Variants in MNAT1 observed in about 807,000 individuals in gnomAD.
MNAT1 encodes the protein MNAT1 component of CDK activating kinase.
Under a neutral mutation model 42.0 loss-of-function variants are expected in MNAT1, and 43 were observed. That is an observed-to-expected ratio of 1.02 (90% CI 0.80 to 1.32). The LOEUF (loss-of-function observed/expected upper bound fraction) is 1.32. Among genes scored for constraint, MNAT1 ranks in the 40% most tolerant of loss-of-function variants. MNAT1 has a pLI of 0.00. For synonymous variants in MNAT1, 118 were observed against 120.0 expected (o/e 0.98, Z 0.11); for missense variants, 306 against 350.4 (o/e 0.87, Z 1.01).
intron 1 of MNAT1, among the ~76,000 whole-genome samples, chr14:60,766,155 T>C (rs1031436421): frequency 6.6e-6 from 1 of 151,562 alleles, no homozygotes; most frequent in Non-Finnish European, 1.5e-5. Flanking sequence ...TGAGACCGGC[T>C]TGGCCAAGGT....
intron 1 of MNAT1, among the ~76,000 whole-genome samples, chr14:60,737,639 G>A (rs1461602993): frequency 1.3e-5 from 2 of 151,988 alleles, no homozygotes; most frequent in Non-Finnish European, 2.9e-5. Flanking sequence ...TATATCATAA[G>A]ATATAACAGG....
rs951081645 is a variant in MNAT1 at position 60,819,756 on chromosome 14, A to G, written c.687+909A>G. Among the ~76,000 whole-genome samples, 10 of 152,152 alleles carry G rather than the reference A, an allele frequency of 6.6e-5. No individual in the cohort carries two copies. The South Asian group carries it at 1.7e-3, about 25-fold the overall frequency. ...CAAACAGACCTGAGTTCAACTCTCA[A>G]CAACCCATTTATCCAGCTGCTTGAC... is the stretch of plus-strand genomic sequence containing the variant. On this transcript the variant is annotated intron_variant, in intron 6 of 7. Transcript: ENST00000261245.
chr14:60,791,807 G>T (rs1338634601), intron 1 of MNAT1, among the ~76,000 whole-genome samples: 1 of 152,112 alleles, frequency 6.6e-6, no homozygotes, highest in Non-Finnish European at 1.5e-5. Context: ...TTAAGAAAAT[G>T]TGAAACCTTT....
At chr14:60,961,598 A>C (rs1050553938) in intron 7 of MNAT1, among the ~76,000 whole-genome samples, 4 of 152,134 alleles carry the variant, frequency 2.6e-5, no homozygotes, top group Non-Finnish European at 4.4e-5. Flanking sequence ...CACATTCATC[A>C]AGCCCTACTT....
intron 1 of MNAT1, among the ~76,000 whole-genome samples, chr14:60,769,398 T>G (rs1003909787): frequency 6.6e-6 from 1 of 152,072 alleles, no homozygotes; most frequent in Non-Finnish European, 1.5e-5. Context: ...CAGCCTCCCA[T>G]GTAGCTGGGA....
chr14:60,827,020 G>T (rs1451056431), intron 6 of MNAT1, among the ~76,000 whole-genome samples: 1 of 152,040 alleles, frequency 6.6e-6, no homozygotes, highest in African/African-American at 2.4e-5. Flanking sequence ...AGGATCTGGT[G>T]CTTCTTCATT....
intron 7 of MNAT1, among the ~76,000 whole-genome samples, chr14:60,940,518 T>C (rs937690381): frequency 6.6e-6 from 1 of 152,172 alleles, no homozygotes; most frequent in Non-Finnish European, 1.5e-5. Flanking sequence ...CCCAGGTTCA[T>C]GCCATTCTTC....
chr14:60,806,768 T>A (rs948796882), intron 3 of MNAT1, among the ~76,000 whole-genome samples: 18 of 152,152 alleles, frequency 1.2e-4, no homozygotes, highest in Middle Eastern at 3.4e-3. Flanking sequence ...ATGGTGAGAG[T>A]TGTGAAAGAT....
At chr14:60,908,606 A>G (rs2035270867) in intron 7 of MNAT1, among the ~76,000 whole-genome samples, 1 of 152,062 alleles carries the variant, frequency 6.6e-6, no homozygotes, top group African/African-American at 2.4e-5. Flanking sequence ...GTTTGCTGAG[A>G]ATGATGGTTT....
intron 5 of MNAT1, among the ~76,000 whole-genome samples, chr14:60,817,013 G>A (rs2032736908): frequency 6.6e-6 from 1 of 151,756 alleles, no homozygotes; most frequent in Non-Finnish European, 1.5e-5. Context: ...AAGTTAATAC[G>A]TTGCTTTTAT....
chr14:60,763,800 G>T (rs1307426377), intron 1 of MNAT1, among the ~76,000 whole-genome samples: 1 of 152,154 alleles, frequency 6.6e-6, no homozygotes, highest in East Asian at 1.9e-4. Flanking sequence ...CCACCTGGCG[G>T]AGTATAACAT....
intron 6 of MNAT1, among the ~76,000 whole-genome samples, chr14:60,848,170 T>C (rs2033728096): frequency 6.6e-6 from 1 of 152,184 alleles, no homozygotes; most frequent in Admixed American, 6.5e-5. Flanking sequence ...GGGTAGTTTA[T>C]TTGGATAAAG....
intron 7 of MNAT1, among the ~76,000 whole-genome samples, chr14:60,932,018 C>T (rs1165298237): frequency 6.6e-6 from 1 of 151,898 alleles, no homozygotes; most frequent in Non-Finnish European, 1.5e-5. Flanking sequence ...ATACTTCTTA[C>T]TCTTACTAAT....
intron 7 of MNAT1, among the ~76,000 whole-genome samples, chr14:60,944,720 T>G (rs2036239313): frequency 6.6e-6 from 1 of 152,198 alleles, no homozygotes; most frequent in Non-Finnish European, 1.5e-5. Context: ...TATAAAATTT[T>G]ATAAACTTAT....
intron 6 of MNAT1, among the ~76,000 whole-genome samples, chr14:60,826,483 A>AT (rs1486861397): frequency 1.3e-5 from 2 of 150,312 alleles, no homozygotes; most frequent in Non-Finnish European, 3.0e-5. Flanking sequence ...TGCCCGGCTA[A>AT]TTTTTTTTTG....
At chr14:60,806,321 A>G (rs910829287) in intron 3 of MNAT1, among the ~76,000 whole-genome samples, 2 of 152,206 alleles carry the variant, frequency 1.3e-5, no homozygotes, top group African/African-American at 4.8e-5. Flanking sequence ...AGGGTGAGTC[A>G]TATGTGGATA....
intron 7 of MNAT1, among the ~76,000 whole-genome samples, chr14:60,940,169 G>A (rs1263060983): frequency 6.6e-6 from 1 of 152,080 alleles, no homozygotes; most frequent in Non-Finnish European, 1.5e-5. Flanking sequence ...ACACTGATGG[G>A]TCTTGACTCT....
At chr14:60,796,612 A>G (rs1331492319) in intron 2 of MNAT1, among the ~76,000 whole-genome samples, 4 of 152,164 alleles carry the variant, frequency 2.6e-5, no homozygotes, top group Admixed American at 2.0e-4. Context: ...AGTACCTACT[A>G]TGTATTGAGT....
At chr14:60,759,133 C>T (rs1018484169) in intron 1 of MNAT1, among the ~76,000 whole-genome samples, 1 of 152,154 alleles carries the variant, frequency 6.6e-6, no homozygotes, top group Non-Finnish European at 1.5e-5. Context: ...TATCTGTTTA[C>T]ATATTAGGTT....
Sources: gnomAD v4.1 joint callset for allele counts (sites outside exome capture counted in the v4.1 genomes callset) on GRCh38, gnomAD v4.1.1 for gene constraint, MANE v1.5 for transcripts, NCBI Gene and HGNC (gene_info 2026-07-23, HGNC 2026-07-21) for gene names.